Variants in TMEM52B observed in about 807,000 individuals in gnomAD.
TMEM52B encodes chromosome 12 open reading frame 59.
Under a neutral mutation model 16.1 loss-of-function variants are expected in TMEM52B, and 11 were observed. That is an observed-to-expected ratio of 0.68 (90% CI 0.43 to 1.13). The LOEUF (loss-of-function observed/expected upper bound fraction) is 1.13. TMEM52B is among the 50% of genes most tolerant of loss of function. The pLI is 0.00. For missense variants in TMEM52B, 243 were observed against 230.4 expected, an observed-to-expected ratio of 1.05 and a Z score of -0.35; for synonymous variants, 101 against 93.8, an observed-to-expected ratio of 1.08 and a Z score of -0.45.
intron 2 of TMEM52B, 141 bp downstream of exon 2, chr12:10,182,734 T>G (rs1948838467): frequency 1.1e-6 from 1 of 928,776 alleles, no homozygotes; most frequent in Non-Finnish European, 1.5e-6. Flanking sequence ...AGATGACTTA[T>G]CACAAAATAA....
At chr12:10,183,787 G>C (rs941376924) in intron 2 of TMEM52B, among the ~76,000 whole-genome samples, 1 of 152,072 alleles carries the variant, frequency 6.6e-6, no homozygotes, top group African/African-American at 2.4e-5. Flanking sequence ...CAGTGGATAT[G>C]CAAATTAGTT....
intron 1 of TMEM52B, among the ~76,000 whole-genome samples, chr12:10,172,926 C>CT (rs1948735542): frequency 1.3e-5 from 2 of 152,054 alleles, no homozygotes. Flanking sequence ...AAATAATAAG[C>CT]TTTTTTACAC....
Position 10,185,327 on chromosome 12 carries a change from T to C in TMEM52B, c.99-3T>C, listed in dbSNP as rs1333370646. ...TGTAGAAAACTTTATTCTTTCTTTA[T>C]AGTTGCCTGACCACAGACTGGGTAC... is the stretch of plus-strand genomic sequence containing the variant. On this transcript the variant is annotated splice_polypyrimidine_tract_variant and splice_region_variant and intron_variant, in intron 2 of 4. Transcript: ENST00000543484. 1.2e-6 allele frequency: 2 copies of C among 1,601,586 alleles called. No homozygotes were observed. The highest frequency in any genetic ancestry group is 1.7e-6 in the Non-Finnish European group (2 of 1,168,614).
At chr12:10,184,026 C>G in intron 2 of TMEM52B, among the ~76,000 whole-genome samples, 1 of 152,170 alleles carries the variant, frequency 6.6e-6, no homozygotes, top group East Asian at 1.9e-4. Flanking sequence ...AGCCTCACCC[C>G]TCAACATCCA....
In TMEM52B at chr12:10,190,217, C is replaced by A. The variant is rs114741616; in HGVS notation, c.*77C>A. The A allele has an allele frequency of 7.6e-4, 1,196 of 1,578,982 alleles. 13 individuals carry two copies. In the African/African-American group the frequency reaches 0.013, roughly 17 times the overall value. ...GAAAATGGAACACATACTTTTCTAA[C>A]CCTCAGAAGTTTTAAGATGGCATCT... On this transcript the variant is annotated 3_prime_UTR_variant, in exon 5 of 5. Transcript: ENST00000543484.
intron 1 of TMEM52B, chr12:10,182,303 A>G (rs1468846997): frequency 2.0e-6 from 2 of 985,324 alleles, no homozygotes; most frequent in African/African-American, 1.7e-5. Flanking sequence ...TCATTCACAA[A>G]GGGTGATGCT....
chr12:10,177,493 G>T (rs758767388), upstream of TMEM52B, among the ~76,000 whole-genome samples: 3 of 152,204 alleles, frequency 2.0e-5, no homozygotes, highest in Non-Finnish European at 4.4e-5. Flanking sequence ...TACTGAGCTA[G>T]AAAGGTCCTG....
Position 10,190,125 on chromosome 12 carries a change from T to C in TMEM52B, c.537T>C (p.Val179=), listed in dbSNP as rs1489163687. 1.3e-5 allele frequency: 21 copies of C among 1,614,082 alleles called. No homozygotes were observed. In the East Asian group the frequency reaches 4.7e-4, roughly 36 times the overall value. The part of the protein sequence containing the change: ...PPTEKESTRI[V]DSWN Reference sequence around the variant, plus strand: ...CAGAGAAGGAGTCGACTCGAATAGTTGACTCTTGGAACTGATGAGAGCTGT... The same window carrying C: ...CAGAGAAGGAGTCGACTCGAATAGTCGACTCTTGGAACTGATGAGAGCTGT... The change falls in exon 5 of 5, where the codon GTT becomes GTC. Residue 179 remains valine, a synonymous_variant. Transcript: ENST00000543484.
chr12:10,185,182 T>C (rs1028011690), intron 2 of TMEM52B, 148 bp from the exon 3 acceptor site: 5 of 641,090 alleles, frequency 7.8e-6, no homozygotes, highest in African/African-American at 1.8e-5. Flanking sequence ...AAGATTCAAC[T>C]AGCTACAGTG....
chr12:10,180,908 C>T (rs1347822503), intron 1 of TMEM52B, among the ~76,000 whole-genome samples: 9 of 152,244 alleles, frequency 5.9e-5, no homozygotes, highest in East Asian at 1.9e-4. Flanking sequence ...TGGGTTCAAG[C>T]GATTCTCTTG....
chr12:10,177,799 ATAATAATAATAATAAT>A (rs752159369), upstream of TMEM52B, among the ~76,000 whole-genome samples: 3,876 of 95,128 alleles, frequency 0.041, 109 homozygotes, highest in Middle Eastern at 0.18. Context: ...AATAATAATA[ATAATAATAATAATAAT>A]TTTTTTATTA....
chr12:10,171,410 T>C (rs1011243258), intron 1 of TMEM52B, among the ~76,000 whole-genome samples: 6 of 152,224 alleles, frequency 3.9e-5, no homozygotes, highest in Non-Finnish European at 8.8e-5. Flanking sequence ...AAACAGAACT[T>C]ACAATTTTTC....
chr12:10,173,130 A>C (rs759642174), intron 1 of TMEM52B, among the ~76,000 whole-genome samples: 1 of 152,218 alleles, frequency 6.6e-6, no homozygotes, highest in Non-Finnish European at 1.5e-5. Context: ...CATGTCACAA[A>C]GACGCTTACA....
chr12:10,175,505 G>A (rs1948759161), upstream of TMEM52B: 1 of 152,170 alleles, frequency 6.6e-6, no homozygotes, highest in South Asian at 2.1e-4. Flanking sequence ...AAAGTACATT[G>A]TTTTACCTTG....
intron 1 of TMEM52B, among the ~76,000 whole-genome samples, chr12:10,180,797 TTTG>T (rs922588178): frequency 1.6e-4 from 25 of 151,992 alleles, no homozygotes; most frequent in Admixed American, 3.9e-4. Flanking sequence ...ACTTAAATGG[TTTG>T]TTGTTGTTGT....
upstream of TMEM52B, among the ~76,000 whole-genome samples, chr12:10,175,044 G>A (rs2137535250): frequency 6.6e-6 from 1 of 152,248 alleles, no homozygotes; most frequent in South Asian, 2.1e-4. Context: ...TACAGTCCTT[G>A]TGTGGCAGAT....
intron 4 of TMEM52B, among the ~76,000 whole-genome samples, chr12:10,188,172 C>T (rs1378811262): frequency 4.6e-5 from 7 of 152,100 alleles, no homozygotes. Flanking sequence ...TCCCCTTTCT[C>T]ACTGTCATCT....
At chr12:10,171,338 T>A (rs1948714797) in intron 1 of TMEM52B, among the ~76,000 whole-genome samples, 1 of 152,214 alleles carries the variant, frequency 6.6e-6, no homozygotes, top group Non-Finnish European at 1.5e-5. Context: ...TTACCCAGAT[T>A]GTCTGTGGAA....
intron 1 of TMEM52B, among the ~76,000 whole-genome samples, chr12:10,180,897 C>G (rs539687714): frequency 2.2e-3 from 332 of 152,278 alleles, no homozygotes; most frequent in African/African-American, 7.6e-3. Context: ...CCTCCGCCTC[C>G]TGGGTTCAAG....
Sources: gnomAD v4.1 joint callset for allele counts (sites outside exome capture counted in the v4.1 genomes callset) on GRCh38, gnomAD v4.1.1 for gene constraint, MANE v1.5 for transcripts, NCBI Gene and HGNC (gene_info 2026-07-23, HGNC 2026-07-21) for gene names.